The following CMBL variants were observed in gnomAD, a reference collection of about 807,000 sequenced individuals.
CMBL encodes carboxymethylenebutenolidase homolog.
A neutral mutation model predicts 28.7 loss-of-function variants in CMBL; 17 were observed. The ratio of observed to expected loss-of-function variants is 0.59; its 90% confidence interval spans 0.41 to 0.89. The LOEUF (loss-of-function observed/expected upper bound fraction) is 0.89. Among genes scored for constraint, CMBL ranks in the 40% least tolerant of loss-of-function variants. The pLI is 0.00. For missense variants in CMBL, 310 were observed against 298.5 expected (o/e 1.04, Z -0.28); for synonymous variants, 106 against 101.6 (o/e 1.04, Z -0.26).
In CMBL at chr5:10,282,307, G is replaced by A. The variant is rs116355583; in HGVS notation, c.467-19C>T. The A allele has an allele frequency of 2.3e-3, 3,282 of 1,442,870 alleles. 61 individuals are homozygous for A. In the African/African-American group the frequency reaches 0.037, roughly 16 times the overall value. 89.4% of individuals were successfully genotyped at this position (1,442,870 alleles called of 1,614,324 possible). A position where few individuals can be genotyped will look rare whatever the true frequency, so the allele number is the denominator to read the frequency against. ...ACAATGCCTGAAAAACAAGCACAGA[G>A]GCATGATGTCTGATCCCCACACTCA... On this transcript the variant is annotated intron_variant, in intron 4 of 5. Coordinates refer to ENST00000296658, the MANE Select transcript of CMBL (RefSeq NM_138809.4).
chr5:10,282,582 A>G (rs1561060802), intron 4 of CMBL, among the ~76,000 whole-genome samples: 1 of 152,114 alleles, frequency 6.6e-6, no homozygotes, highest in Non-Finnish European at 1.5e-5. Context: ...CAGGAGTTTG[A>G]GAGCAGCCTG....
intron 1 of CMBL, among the ~76,000 whole-genome samples, chr5:10,294,665 A>T (rs1746779121): frequency 6.6e-6 from 1 of 152,232 alleles, no homozygotes; most frequent in African/African-American, 2.4e-5. Context: ...GCAACAATCC[A>T]GCCAAGAGAT....
At chr5:10,292,543 G>A (rs1270220037) in intron 1 of CMBL, among the ~76,000 whole-genome samples, 2 of 152,052 alleles carry the variant, frequency 1.3e-5, no homozygotes, top group East Asian at 3.9e-4. Flanking sequence ...TAAGGTTCCG[G>A]ACCAGGCATG....
chr5:10,290,743 G>A lies in CMBL; in HGVS notation c.20C>T (p.Pro7Leu). 1 of 1,614,188 alleles carries A rather than the reference G, an allele frequency of 6.2e-7. No individual in the cohort carries two copies. Among genetic ancestry groups the A allele is most frequent in the East Asian group, 2.2e-5 (1 of 44,886 alleles). Residue 7 changes from proline to leucine, a missense_variant, in exon 2 of 6, where the codon CCT becomes CTT. Transcript: ENST00000296658. MANEAY[P>L]CPCDIGHRLE... ...TCTGTGGCCAATGTCACACGGACAAGGATAAGCTTCGTTAGCCATTGCAGA... is the reference window on the plus strand; with the variant it reads ...TCTGTGGCCAATGTCACACGGACAAAGATAAGCTTCGTTAGCCATTGCAGA...
intron 1 of CMBL, among the ~76,000 whole-genome samples, chr5:10,294,967 C>T (rs1048598684): frequency 4.6e-5 from 7 of 152,266 alleles, no homozygotes; most frequent in East Asian, 1.9e-4. Context: ...CTGGGTAACA[C>T]GATAGAAGTT....
intron 3 of CMBL, among the ~76,000 whole-genome samples, chr5:10,287,906 A>G (rs545968197): frequency 5.3e-4 from 80 of 151,372 alleles, no homozygotes; most frequent in African/African-American, 1.7e-3. Flanking sequence ...TGTTTTTTGT[A>G]TTTTTAGTAG....
At chr5:10,285,008 T>TTTTTTTTTTTTTTTTA (rs1561061676) in intron 4 of CMBL, among the ~76,000 whole-genome samples, 1 of 151,672 alleles carries the variant, frequency 6.6e-6, no homozygotes, top group African/African-American at 2.4e-5. Flanking sequence ...TTTTTTTTAT[T>TTTTTTTTTTTTTTTTA]TTTTATTTTA....
intron 1 of CMBL, among the ~76,000 whole-genome samples, chr5:10,298,849 C>T (rs1364248590): frequency 2.0e-5 from 3 of 152,138 alleles, no homozygotes; most frequent in Admixed American, 6.5e-5. Flanking sequence ...GACGAGATCG[C>T]GCCACTGCAC....
intron 1 of CMBL, among the ~76,000 whole-genome samples, chr5:10,298,833 C>T (rs1331465471): frequency 2.0e-5 from 3 of 152,180 alleles, no homozygotes; most frequent in Non-Finnish European, 4.4e-5. Flanking sequence ...GCAAAGGCTG[C>T]AGTCAGACGA....
At chr5:10,281,244 G>T (rs925903425) in intron 5 of CMBL, among the ~76,000 whole-genome samples, 2 of 151,920 alleles carry the variant, frequency 1.3e-5, no homozygotes, top group African/African-American at 4.8e-5. Context: ...AAGAGTCAGG[G>T]TCTCACTCTG....
intron 1 of CMBL, among the ~76,000 whole-genome samples, chr5:10,297,460 C>T (rs764510267): frequency 6.6e-6 from 1 of 151,358 alleles, no homozygotes; most frequent in Admixed American, 6.6e-5. Flanking sequence ...ATCCCAGATA[C>T]TTGGGAGGCT....
At chr5:10,295,014 A>G (rs1157772959) in intron 1 of CMBL, among the ~76,000 whole-genome samples, 1 of 152,154 alleles carries the variant, frequency 6.6e-6, no homozygotes, top group African/African-American at 2.4e-5. Flanking sequence ...GAAAACTTTG[A>G]GAGTGATGTG....
intron 4 of CMBL, among the ~76,000 whole-genome samples, chr5:10,283,503 C>T (rs1253770986): frequency 2.6e-5 from 4 of 152,252 alleles, no homozygotes; most frequent in East Asian, 1.9e-4. Flanking sequence ...TTTGGCCGGG[C>T]GAGGTGGCTC....
chr5:10,286,503 C>T lies in CMBL; in HGVS notation c.324-7G>A, dbSNP rs1430595136. ...CAAGATAGCACTGATCTCTCTAGAA[C>T]AGAAAGAAAAAATATTCAAGAATCA... On this transcript the variant is annotated splice_region_variant and splice_polypyrimidine_tract_variant and intron_variant, in intron 3 of 5. Transcript: ENST00000296658. 2.5e-6 allele frequency: 4 copies of T among 1,610,736 alleles called. No individual in the cohort carries two copies. Among genetic ancestry groups the T allele is most frequent in the Non-Finnish European group, 2.5e-6 (3 of 1,178,500 alleles).
chr5:10,291,512 T>G (rs1305507070), intron 1 of CMBL, among the ~76,000 whole-genome samples: 1 of 151,418 alleles, frequency 6.6e-6, no homozygotes, highest in African/African-American at 2.4e-5. Flanking sequence ...AAACAAAAAA[T>G]TAGCCGGGCG....
chr5:10,286,413 G>A lies in CMBL; in HGVS notation c.407C>T (p.Thr136Ile). The change falls in exon 4 of 6, where the codon ACT becomes ATT. Residue 136 changes from threonine to isoleucine, a missense_variant. By Grantham distance (89) the Thr-to-Ile change is moderately conservative. Coordinates refer to ENST00000296658, the MANE Select transcript of CMBL (RefSeq NM_138809.4). ...IGIVGFCWGGTAVHHLMMKYS... is the reference protein window; with the variant it reads ...IGIVGFCWGGIAVHHLMMKYS... ...TTTCATCATCAAATGATGGACAGCA[G>A]TTCCACCCCAGCAGAATCCCACGAT... 3 of 1,614,042 alleles carry A rather than the reference G, an allele frequency of 1.9e-6. No homozygotes were observed. The highest frequency in any genetic ancestry group is 2.5e-6 in the Non-Finnish European group (3 of 1,179,982).
chr5:10,286,452 G>C lies in CMBL; in HGVS notation c.368C>G (p.Ala123Gly). The change falls in exon 4 of 6, where the codon GCC (alanine) becomes GGC (glycine). Residue 123 changes from alanine (A) to glycine (G), a missense_variant. Ala to Gly is a moderately conservative substitution (Grantham distance 60). Transcript: ENST00000296658. ...ILKYLKQQCH[A>G]QKIGIVGFCW... ...GAATCCCACGATGCCAATTTTCTGG[G>C]CATGACACTGTTGTTTCAGATACTT... The C allele has an allele frequency of 6.2e-7, 1 of 1,614,044 alleles. No individual in the cohort carries two copies. The highest frequency in any genetic ancestry group is 8.5e-7 in the Non-Finnish European group (1 of 1,179,920).
intron 2 of CMBL, 51 bp from the exon 3 acceptor site, chr5:10,288,580 G>T: frequency 1.5e-6 from 2 of 1,333,042 alleles, no homozygotes; most frequent in Non-Finnish European, 2.2e-6. Context: ...GCTTGACTCA[G>T]TATTTTGCTT....
At chr5:10,280,692 C>A in intron 5 of CMBL, 60 bp from the exon 6 acceptor site, 2 of 1,391,792 alleles carry the variant, frequency 1.4e-6, no homozygotes, top group Non-Finnish European at 2.0e-6. Context: ...TTCTCCAAAT[C>A]TTTAGTGAGC....
Sources: gnomAD v4.1 joint callset for allele counts (sites outside exome capture counted in the v4.1 genomes callset) on GRCh38, gnomAD v4.1.1 for gene constraint, MANE v1.5 for transcripts, NCBI Gene and HGNC (gene_info 2026-07-23, HGNC 2026-07-21) for gene names.